Variants in GALNT2 observed in about 807,000 individuals in gnomAD.
GALNT2 encodes UDP-GalNAc:polypeptide N-acetylgalactosaminyltransferase 2.
In GALNT2, 31 loss-of-function variants were observed where a neutral mutation model predicts 81.4. The observed-to-expected ratio is 0.38, with a 90% confidence interval of 0.29 to 0.51. The LOEUF is 0.51. GALNT2 is among the 20% of genes least tolerant of loss of function. The probability of loss-of-function intolerance (pLI) is 0.87; values close to 1 mark genes in which losing one functional copy is unlikely to be tolerated. For synonymous variants in GALNT2, 303 were observed against 287.4 expected, an observed-to-expected ratio of 1.05 and a Z score of -0.55; for missense variants, 629 against 765.7, an observed-to-expected ratio of 0.82 and a Z score of 2.11.
chr1:230,232,576 T>TG (rs2102732722), intron 3 of GALNT2, among the ~76,000 whole-genome samples: 1 of 152,318 alleles, frequency 6.6e-6, no homozygotes, highest in East Asian at 1.9e-4. Context: ...AGTAAGTCAT[T>TG]CAACCTAGGT....
intron 9 of GALNT2, among the ~76,000 whole-genome samples, chr1:230,250,256 G>A (rs1665502482): frequency 6.6e-6 from 1 of 152,244 alleles, no homozygotes; most frequent in Admixed American, 6.5e-5. Context: ...CAGGGACAGT[G>A]GGGGAGGCAT....
upstream of GALNT2, among the ~76,000 whole-genome samples, chr1:230,063,079 G>A (rs540072788): frequency 2.5e-3 from 384 of 152,238 alleles, 2 homozygotes; most frequent in African/African-American, 8.8e-3. Context: ...TTGGGAGGCT[G>A]AGGCAGGTGG....
chr1:230,196,645 A>T (rs1205815701), intron 2 of GALNT2, among the ~76,000 whole-genome samples: 2 of 152,136 alleles, frequency 1.3e-5, no homozygotes, highest in Non-Finnish European at 2.9e-5. Context: ...ACCTGGGGAC[A>T]CAGGCTTCTG....
chr1:230,062,287 T>C (rs976263766), upstream of GALNT2, among the ~76,000 whole-genome samples: 2 of 152,212 alleles, frequency 1.3e-5, no homozygotes, highest in African/African-American at 4.8e-5. Flanking sequence ...ACTTTATATG[T>C]CAGAGATATT....
At chr1:230,068,492 C>T (rs895542811) in intron 1 of GALNT2, among the ~76,000 whole-genome samples, 3 of 152,168 alleles carry the variant, frequency 2.0e-5, no homozygotes, top group African/African-American at 7.2e-5. Context: ...CACCGCAAAC[C>T]CAGAAAATTC....
rs1666283185 is a variant in GALNT2 at position 230,275,714 on chromosome 1, A to ATG, written c.1560+1151_1560+1152insGT. On this transcript the variant is annotated intron_variant, in intron 15 of 15. Coordinates refer to ENST00000366672, the MANE Select transcript of GALNT2 (RefSeq NM_004481.5). The surrounding 1 kb of genome is among the most constrained non-coding windows in gnomAD (Gnocchi z 5.5). ...AACACCACATATATATACACACCAC[A>ATG]TATACACACCACATATATATATACA... Among the ~76,000 whole-genome samples, 3 of 142,632 alleles carry ATG rather than the reference A, an allele frequency of 2.1e-5. No homozygotes were observed. Among genetic ancestry groups the ATG allele is most frequent in the Non-Finnish European group, 4.6e-5 (3 of 65,604 alleles). 93.6% of individuals were successfully genotyped at this position (142,632 alleles called of 152,430 possible).
intron 1 of GALNT2, among the ~76,000 whole-genome samples, chr1:230,142,594 G>C (rs1572013118): frequency 6.6e-6 from 1 of 152,142 alleles, no homozygotes; most frequent in East Asian, 1.9e-4. Flanking sequence ...AATATACCTA[G>C]TACGTGCATA....
chr1:230,254,905 A>G (rs769583994), intron 10 of GALNT2, among the ~76,000 whole-genome samples: 23 of 152,200 alleles, frequency 1.5e-4, no homozygotes, highest in Admixed American at 2.6e-4. Context: ...AGGCCTTTAT[A>G]TTTACAGTAG....
chr1:230,155,626 G>A (rs12410903), intron 1 of GALNT2, among the ~76,000 whole-genome samples: 6,111 of 152,264 alleles, frequency 0.04, 303 homozygotes, highest in African/African-American at 0.11. Context: ...CATGGGCAGA[G>A]CTAGGTTTTG....
At chr1:230,164,445 A>G (rs1186285031) in intron 1 of GALNT2, among the ~76,000 whole-genome samples, 1 of 152,162 alleles carries the variant, frequency 6.6e-6, no homozygotes, top group East Asian at 1.9e-4. Flanking sequence ...AGTGATGTAC[A>G]TAGAGGAGAT....
intron 1 of GALNT2, among the ~76,000 whole-genome samples, chr1:230,168,328 G>T (rs934903857): frequency 6.6e-6 from 1 of 152,236 alleles, no homozygotes; most frequent in Admixed American, 6.5e-5. Flanking sequence ...ATGAGGAAAA[G>T]CTGCATGCGA....
At chr1:230,106,610 T>C (rs557009467) in intron 1 of GALNT2, among the ~76,000 whole-genome samples, 1 of 152,374 alleles carries the variant, frequency 6.6e-6, no homozygotes, top group African/African-American at 2.4e-5. Context: ...TGCATAATTA[T>C]GGAGCATTTG....
intron 1 of GALNT2, 54 bp downstream of exon 1, chr1:230,067,460 G>T (rs1659230537): frequency 2.8e-6 from 2 of 709,990 alleles, no homozygotes; most frequent in Non-Finnish European, 3.8e-6. Context: ...CCCACCCTGC[G>T]CCCCTGTCCC....
chr1:230,125,700 A>C (rs1306922667), intron 1 of GALNT2, among the ~76,000 whole-genome samples: 1 of 149,780 alleles, frequency 6.7e-6, no homozygotes, highest in Non-Finnish European at 1.5e-5. Context: ...GAAACTGTTA[A>C]GGTAGGAAGG....
In GALNT2 at chr1:230,271,175, G is replaced by A. The variant is rs1410960516; in HGVS notation, c.1441-3270G>A. On this transcript the variant is annotated intron_variant, in intron 14 of 15. Coordinates refer to ENST00000366672, the MANE Select transcript of GALNT2 (RefSeq NM_004481.5). The surrounding 1 kb of genome is among the most constrained non-coding windows in gnomAD (Gnocchi z 4.2). ...CCACAGTTTCACACATCCTGGTGGT[G>A]TCCCCAGCCCCTGTGAGTGCAGGGA... 6.6e-6 allele frequency among the ~76,000 whole-genome samples: 1 copy of A among 152,194 alleles called. No individual in the cohort carries two copies. The highest frequency in any genetic ancestry group is 1.5e-5 in the Non-Finnish European group (1 of 68,034).
At chr1:230,093,997 C>T (rs556101894) in intron 1 of GALNT2, among the ~76,000 whole-genome samples, 62 of 84,956 alleles carry the variant, frequency 7.3e-4, no homozygotes, top group Non-Finnish European at 2.3e-4. Flanking sequence ...AATACTGTTT[C>T]GTCCACCTGT....
intron 2 of GALNT2, among the ~76,000 whole-genome samples, chr1:230,194,875 G>A (rs920797707): frequency 9.2e-5 from 14 of 152,206 alleles, no homozygotes; most frequent in African/African-American, 3.4e-4. Flanking sequence ...CAGTGCGTGC[G>A]GAGGGGTCAG....
intron 1 of GALNT2, among the ~76,000 whole-genome samples, chr1:230,131,123 TG>T (rs1334098882): frequency 6.6e-6 from 1 of 152,110 alleles, no homozygotes; most frequent in Non-Finnish European, 1.5e-5. Flanking sequence ...ACAAAACGTT[TG>T]TTTTTTTTTT....
At chr1:230,269,503 C>G (rs747058591) in intron 14 of GALNT2, among the ~76,000 whole-genome samples, 12 of 152,074 alleles carry the variant, frequency 7.9e-5, no homozygotes, top group Non-Finnish European at 1.6e-4. Context: ...AGAACTTTTA[C>G]AAAATGCTGA....
Sources: allele counts gnomAD v4.1 joint callset (sites outside exome capture counted in the v4.1 genomes callset), GRCh38; gene constraint gnomAD v4.1.1; non-coding constraint Gnocchi (gnomAD v3.1); transcripts MANE v1.5; gene names NCBI Gene and HGNC (gene_info 2026-07-23, HGNC 2026-07-21).